RGS7: variants seen among roughly 807,000 people sequenced by gnomAD.
The protein encoded by RGS7 is regulator of G-protein signaling 7.
Under a neutral mutation model 81.1 loss-of-function variants are expected in RGS7, and 27 were observed. The ratio of observed to expected loss-of-function variants is 0.33; its 90% CI spans 0.25 to 0.46. RGS7 has a LOEUF of 0.46. Ranked by LOEUF, RGS7 falls within the 20% of genes least tolerant of loss-of-function variation. The pLI is 1.00. For missense variants in RGS7, 396 were observed against 607.4 expected (o/e 0.65, Z 3.66); for synonymous variants, 208 against 207.7 (o/e 1.00, Z -0.01).
intron 4 of RGS7, among the ~76,000 whole-genome samples, chr1:240,944,758 G>C (rs975868718): frequency 6.6e-6 from 1 of 152,162 alleles, no homozygotes; most frequent in Non-Finnish European, 1.5e-5. Context: ...TTTGTCACCA[G>C]TCTGGAGTGC....
intron 2 of RGS7, among the ~76,000 whole-genome samples, chr1:241,160,552 C>G (rs921496820): frequency 1.3e-5 from 2 of 152,116 alleles, no homozygotes; most frequent in Non-Finnish European, 2.9e-5. Flanking sequence ...AGGTGAAACA[C>G]GTAGCAGTCT....
intron 6 of RGS7, among the ~76,000 whole-genome samples, chr1:240,898,042 T>G (rs1669379373): frequency 6.6e-6 from 1 of 152,256 alleles, no homozygotes; most frequent in African/African-American, 2.4e-5. Flanking sequence ...TTTATCCATT[T>G]CTTCTAGATT....
chr1:241,055,741 C>T (rs971746130), intron 3 of RGS7, among the ~76,000 whole-genome samples: 13 of 152,158 alleles, frequency 8.5e-5, no homozygotes, highest in African/African-American at 2.4e-4. Flanking sequence ...TTACATCCCC[C>T]ATAAGTGGGG....
At chr1:241,299,052 G>C in intron 2 of RGS7, among the ~76,000 whole-genome samples, 1 of 152,192 alleles carries the variant, frequency 6.6e-6, no homozygotes, top group East Asian at 1.9e-4. Context: ...GAAGCCCAGA[G>C]CTGGCAAAGT....
chr1:241,210,046 T>C (rs1202845836), intron 2 of RGS7, among the ~76,000 whole-genome samples: 1 of 152,108 alleles, frequency 6.6e-6, no homozygotes, highest in Non-Finnish European at 1.5e-5. Context: ...AACATGAGAA[T>C]TGATAAAGCT....
At chr1:241,028,670 C>T (rs1459551948) in intron 3 of RGS7, among the ~76,000 whole-genome samples, 2 of 152,010 alleles carry the variant, frequency 1.3e-5, no homozygotes, top group Admixed American at 6.6e-5. Flanking sequence ...TCAGCGAGGG[C>T]CCAGGGAGGC....
chr1:241,173,515 T>C (rs2070882217), intron 2 of RGS7, among the ~76,000 whole-genome samples: 1 of 152,178 alleles, frequency 6.6e-6, no homozygotes, highest in South Asian at 2.1e-4. Flanking sequence ...CCAAACACGG[T>C]GGCTCATACC....
At chr1:240,935,929 G>T (rs1193543197) in intron 5 of RGS7, among the ~76,000 whole-genome samples, 1 of 152,150 alleles carries the variant, frequency 6.6e-6, no homozygotes, top group African/African-American at 2.4e-5. Flanking sequence ...TTATTAATGA[G>T]CCATAATGTC....
At chr1:241,253,353 G>C (rs2076919445) in intron 2 of RGS7, among the ~76,000 whole-genome samples, 3 of 152,278 alleles carry the variant, frequency 2.0e-5, no homozygotes, top group South Asian at 4.2e-4. Context: ...CCATACTGTG[G>C]GGTTTTATTC....
chr1:241,151,937 C>T (rs2103134756), intron 2 of RGS7, among the ~76,000 whole-genome samples: 2 of 152,280 alleles, frequency 1.3e-5, no homozygotes, highest in South Asian at 4.1e-4. Flanking sequence ...TGCTTCCTCT[C>T]TTGTAGGATA....
chr1:241,289,855 G>C (rs1422482603), intron 2 of RGS7, among the ~76,000 whole-genome samples: 3 of 152,072 alleles, frequency 2.0e-5, no homozygotes, highest in Admixed American at 1.3e-4. Context: ...TGAGTGAGAA[G>C]AGGAAAGATG....
chr1:241,137,487 T>C (rs1572852137), intron 2 of RGS7, among the ~76,000 whole-genome samples: 1 of 152,356 alleles, frequency 6.6e-6, no homozygotes, highest in East Asian at 1.9e-4. Context: ...TGTGGTGTTT[T>C]ATGACTTTGA....
intron 2 of RGS7, 56 bp from the exon 3 acceptor site, chr1:241,098,818 A>C (rs1284364876): frequency 7.8e-7 from 1 of 1,282,416 alleles, no homozygotes; most frequent in East Asian, 2.4e-5. Context: ...TTTGAAAAAA[A>C]ATCAGCTCTC....
At chr1:240,825,287 T>A (rs1216258559) in intron 10 of RGS7, among the ~76,000 whole-genome samples, 1 of 152,126 alleles carries the variant, frequency 6.6e-6, no homozygotes, top group Non-Finnish European at 1.5e-5. Context: ...TCATTACAGT[T>A]CCTAAACAAC....
chr1:241,260,581 T>A (rs1001790120), intron 2 of RGS7, among the ~76,000 whole-genome samples: 1 of 152,192 alleles, frequency 6.6e-6, no homozygotes, highest in African/African-American at 2.4e-5. Flanking sequence ...GTTTCTCAGT[T>A]TTTGTGTGTA....
intron 3 of RGS7, among the ~76,000 whole-genome samples, chr1:241,031,492 C>G (rs558551865): frequency 6.6e-6 from 1 of 152,134 alleles, no homozygotes; most frequent in Non-Finnish European, 1.5e-5. Flanking sequence ...GGTAGATGCT[C>G]AGTATTGGGA....
At chr1:240,978,541 G>T (rs1449633216) in intron 4 of RGS7, among the ~76,000 whole-genome samples, 1 of 152,142 alleles carries the variant, frequency 6.6e-6, no homozygotes, top group Non-Finnish European at 1.5e-5. Flanking sequence ...GCAGTGAAGA[G>T]AATTAGAATT....
intron 2 of RGS7, among the ~76,000 whole-genome samples, chr1:241,307,625 C>T (rs895413078): frequency 4.6e-5 from 7 of 152,090 alleles, no homozygotes; most frequent in South Asian, 2.1e-4. Context: ...ACCCATTCTA[C>T]GACGGGCCTT....
chr1:241,182,952 T>A (rs2071766536), intron 2 of RGS7, among the ~76,000 whole-genome samples: 1 of 152,010 alleles, frequency 6.6e-6, no homozygotes, highest in Non-Finnish European at 1.5e-5. Context: ...TTCTTTTTTT[T>A]TTTTTCTTAA....
Sources: allele counts gnomAD v4.1 joint callset (sites outside exome capture counted in the v4.1 genomes callset), GRCh38; gene constraint gnomAD v4.1.1; transcripts MANE v1.5; gene names NCBI Gene and HGNC (gene_info 2026-07-23, HGNC 2026-07-21).